RPL35: variants seen among roughly 807,000 people sequenced by gnomAD.
RPL35 encodes the protein large ribosomal subunit protein uL29.
A neutral mutation model predicts 15.6 loss-of-function variants in RPL35; 2 were observed. The ratio of observed to expected loss-of-function variants is 0.13; its 90% CI spans 0.05 to 0.40. The LOEUF (loss-of-function observed/expected upper bound fraction) is 0.40, where lower values mean the gene tolerates loss of function less well. Ranked by LOEUF, RPL35 falls within the 10% of genes least tolerant of loss-of-function variation. The probability of loss-of-function intolerance (pLI) is 0.99; values close to 1 mark genes in which losing one functional copy is unlikely to be tolerated. For missense variants in RPL35, 111 were observed against 164.7 expected (o/e 0.67, Z 1.79); for synonymous variants, 93 against 67.9 (o/e 1.37, Z -1.82).
At chr9:124,859,424 T>C (rs1454029929) in intron 3 of RPL35, among the ~76,000 whole-genome samples, 1 of 152,166 alleles carries the variant, frequency 6.6e-6, no homozygotes, top group Non-Finnish European at 1.5e-5. Flanking sequence ...GGGGAGATTA[T>C]CCTGGGTAAT....
chr9:124,858,498 G>T (rs1399005424), intron 3 of RPL35: 1 of 716,946 alleles, frequency 1.4e-6, no homozygotes, highest in Admixed American at 2.0e-5. Flanking sequence ...GGCTGAGGCA[G>T]TACTCTGTCC....
intron 1 of RPL35, 118 bp downstream of exon 1, chr9:124,861,792 C>G (rs1467539955): frequency 7.1e-7 from 1 of 1,414,630 alleles, no homozygotes; most frequent in African/African-American, 1.4e-5. Flanking sequence ...CCAGACCATT[C>G]TGCGCGGCGC....
Position 124,861,938 on chromosome 9 carries a change from G to T in RPL35, c.-26C>A, listed in dbSNP as rs200283947. 6 of 1,598,074 alleles carry T rather than the reference G, an allele frequency of 3.8e-6. No homozygotes were observed. Among genetic ancestry groups the T allele is most frequent in the Non-Finnish European group, 3.4e-6 (4 of 1,173,182 alleles). ...TGCTGCACAAGCCGCCAACGCCGCC[G>T]CCCGCTCCGAGGGAAAGAGGAAGTA... On this transcript the variant is annotated 5_prime_UTR_variant, in exon 1 of 4. Transcript: ENST00000348462.
chr9:124,861,336 A>C, intron 2 of RPL35, 83 bp downstream of exon 2: 1 of 1,536,390 alleles, frequency 6.5e-7, no homozygotes, highest in Non-Finnish European at 8.8e-7. Flanking sequence ...CCAGCTCCTT[A>C]AGCCAACTTT....
chr9:124,861,270 A>G, intron 2 of RPL35, 149 bp downstream of exon 2: 1 of 976,372 alleles, frequency 1.0e-6, no homozygotes, highest in East Asian at 2.5e-5. Flanking sequence ...TAAGAGGCTA[A>G]GCACACAACG....
intron 3 of RPL35, among the ~76,000 whole-genome samples, chr9:124,859,608 C>G (rs184764662): frequency 2.0e-5 from 3 of 152,100 alleles, no homozygotes; most frequent in Non-Finnish European, 4.4e-5. Flanking sequence ...ACCGTCTCCC[C>G]CTAGTTTTCT....
chr9:124,861,329 G>A (rs1159334983), intron 2 of RPL35, 90 bp downstream of exon 2: 14 of 1,509,416 alleles, frequency 9.3e-6, no homozygotes, highest in South Asian at 1.3e-5. Flanking sequence ...TAAGCGGCCA[G>A]CTCCTTAAGC....
Position 124,861,893 on chromosome 9 carries a change from G to C in RPL35, c.3+17C>G. 2 of 1,603,348 alleles carry C rather than the reference G, an allele frequency of 1.2e-6. No homozygotes were observed. The highest frequency in any genetic ancestry group is 1.7e-6 in the Non-Finnish European group (2 of 1,175,998). On this transcript the variant is annotated intron_variant, in intron 1 of 3. Transcript: ENST00000348462. Reference sequence around the variant, plus strand: ...GCCTCACAGCGCTCGGATGGCGCCCGATTCCGCAGCTCTCACCATTGCTGC... The same window carrying C: ...GCCTCACAGCGCTCGGATGGCGCCCCATTCCGCAGCTCTCACCATTGCTGC...
rs879767453 is a variant in RPL35, at chr9:124,861,812, C to T, written c.3+98G>A. 2,418 of 1,506,494 alleles carry T rather than the reference C, an allele frequency of 1.6e-3. 5 individuals are homozygous for T. The highest frequency in any genetic ancestry group is 2.0e-3 in the Non-Finnish European group (2,193 of 1,115,856). 93.3% of individuals were successfully genotyped at this position (1,506,494 alleles called of 1,614,324 possible). ...CCATTCTGCGCGGCGCCCCACAGGCCTAGGTGGCAGATAGAATCCGCGGGC... is the reference window on the plus strand; with the variant it reads ...CCATTCTGCGCGGCGCCCCACAGGCTTAGGTGGCAGATAGAATCCGCGGGC... On this transcript the variant is annotated intron_variant, in intron 1 of 3. Coordinates refer to ENST00000348462, the MANE Select transcript of RPL35 (RefSeq NM_007209.4).
intron 3 of RPL35, 50 bp from the exon 4 acceptor site, chr9:124,858,117 A>T: frequency 6.3e-7 from 1 of 1,587,806 alleles, no homozygotes; most frequent in African/African-American, 1.3e-5. Flanking sequence ...CTGAGGAGCT[A>T]CTGCAGCAGC....
chr9:124,858,599 G>A (rs574795882), intron 3 of RPL35: 9 of 685,656 alleles, frequency 1.3e-5, no homozygotes, highest in East Asian at 1.1e-4. Flanking sequence ...ACCTGCTTCC[G>A]GCTTTGGGGC....
rs768241927 is a variant in RPL35, at chr9:124,861,451, C to T, written c.108G>A (p.Val36=). The T allele has an allele frequency of 1.9e-6, 3 of 1,613,828 alleles. No individual in the cohort carries two copies. In the South Asian group the frequency reaches 3.3e-5, roughly 18 times the overall value. The part of the protein sequence containing the change: ...VELSQLRVAK[V]TGGAASKLSK... ...AGAGCTTGGAGGCCGCACCGCCTGT[C>T]ACTTTGGCGACGCGCAGCTGGGACA... Residue 36 remains valine, a synonymous_variant, in exon 2 of 4, where the codon GTG becomes GTA. Coordinates refer to ENST00000348462, the MANE Select transcript of RPL35 (RefSeq NM_007209.4).
intron 3 of RPL35, chr9:124,858,283 G>A: frequency 4.9e-6 from 3 of 618,506 alleles, no homozygotes; most frequent in Non-Finnish European, 8.8e-6. Flanking sequence ...GACCTACTGG[G>A]CTGAGTGTCC....
chr9:124,858,510 T>C (rs1458800263), intron 3 of RPL35: 2 of 716,494 alleles, frequency 2.8e-6, no homozygotes, highest in Admixed American at 2.0e-5. Context: ...ACTCTGTCCA[T>C]CTGTATGCAG....
chr9:124,860,174 C>G lies in RPL35; in HGVS notation c.222+9G>C, dbSNP rs940979207. On this transcript the variant is annotated intron_variant, in intron 3 of 3. Coordinates refer to ENST00000348462, the MANE Select transcript of RPL35 (RefSeq NM_007209.4). Reference sequence around the variant, plus strand: ...GCAGCCAACCCTCCCTATGTCCAGGCAGACTCACCTTGTAGAATTTCCTGA... The same window carrying G: ...GCAGCCAACCCTCCCTATGTCCAGGGAGACTCACCTTGTAGAATTTCCTGA... 5 of 1,607,330 alleles carry G rather than the reference C, an allele frequency of 3.1e-6. No homozygotes were observed. The highest frequency in any genetic ancestry group is 4.3e-6 in the Non-Finnish European group (5 of 1,173,842).
At position 124,861,933 on chromosome 9, in the gene RPL35, C is replaced by A. The variant is rs1359647750; in HGVS notation, c.-21G>T. On this transcript the variant is annotated 5_prime_UTR_variant, in exon 1 of 4. Transcript: ENST00000348462. ...ACCATTGCTGCACAAGCCGCCAACG[C>A]CGCCGCCCGCTCCGAGGGAAAGAGG... 2 of 1,599,072 alleles carry A rather than the reference C, an allele frequency of 1.3e-6. No homozygotes were observed. Among genetic ancestry groups the A allele is most frequent in the East Asian group, 2.3e-5 (1 of 44,154 alleles).
chr9:124,861,605 C>T, intron 1 of RPL35, 50 bp from the exon 2 acceptor site: 1 of 1,594,766 alleles, frequency 6.3e-7, no homozygotes, highest in Non-Finnish European at 8.5e-7. Flanking sequence ...GCCATATCCC[C>T]TTCACCTGCG....
At position 124,857,914 on chromosome 9, in the gene RPL35, C is replaced by T. The variant is rs369390892; in HGVS notation, c.*4G>A. ...CCAGCTGTGCTTTATTGACAATGCG[C>T]CCCTCAGGCCTTGACCGCGTACTTC... On this transcript the variant is annotated 3_prime_UTR_variant, in exon 4 of 4. Transcript: ENST00000348462. The T allele has an allele frequency of 4.3e-6, 7 of 1,611,748 alleles. No homozygotes were observed. Among genetic ancestry groups the T allele is most frequent in the African/African-American group, 1.3e-5 (1 of 74,864 alleles).
chr9:124,860,369 C>A (rs896549368), intron 2 of RPL35, 105 bp from the exon 3 acceptor site: 4 of 917,604 alleles, frequency 4.4e-6, no homozygotes, highest in Admixed American at 3.6e-5. Context: ...CCCATCAACC[C>A]ATCCATATTC....
Sources: allele counts gnomAD v4.1 joint callset (sites outside exome capture counted in the v4.1 genomes callset), GRCh38; gene constraint gnomAD v4.1.1; transcripts MANE v1.5; gene names NCBI Gene and HGNC (gene_info 2026-07-23, HGNC 2026-07-21).